The following PTGES2 variants were observed in gnomAD, a reference collection of about 807,000 sequenced individuals.
PTGES2 encodes the protein GATE-binding factor 1.
A neutral mutation model predicts 44.5 loss-of-function variants in PTGES2; 35 were observed. The ratio of observed to expected loss-of-function variants is 0.79; its 90% CI spans 0.60 to 1.04. PTGES2 has a LOEUF of 1.04. Among genes scored for constraint, PTGES2 ranks in the 50% least tolerant of loss-of-function variants. The pLI, the probability that PTGES2 is intolerant of heterozygous loss-of-function variation, is 0.00. For synonymous variants in PTGES2, 221 were observed against 227.5 expected (o/e 0.97, Z 0.26); for missense variants, 517 against 521.4 (o/e 0.99, Z 0.08).
Position 128,124,556 on chromosome 9 carries a change from AGAGAAAAGGG to A in PTGES2, c.478-16_478-7del. ...GAGGAGTCATTTAGTTGTTGCTGGA[AGAGAAAAGGG>A]TGGTTTAATCAGAGGTTGCAACCCA... On this transcript the variant is annotated splice_polypyrimidine_tract_variant and splice_region_variant and intron_variant, in intron 2 of 6. Transcript: ENST00000338961. The A allele has an allele frequency of 6.2e-7, 1 of 1,612,714 alleles. No individual in the cohort carries two copies. The highest frequency in any genetic ancestry group is 2.2e-5 in the East Asian group (1 of 44,810).
At chr9:128,124,050 TGGA>T (rs921917866) in intron 3 of PTGES2, among the ~76,000 whole-genome samples, 199 bp from the exon 4 acceptor site, 6 of 151,242 alleles carry the variant, frequency 4.0e-5, no homozygotes, top group Admixed American at 3.9e-4. Flanking sequence ...GTAGGGGGCT[TGGA>T]GGAGGACGGC....
Position 128,121,153 on chromosome 9 carries a change from C to CT in PTGES2, c.1125dup (p.Ala376SerfsTer140), listed in dbSNP as rs775628436. The CT allele has an allele frequency of 6.3e-7, 1 of 1,586,618 alleles. No individual in the cohort carries two copies. The highest frequency in any genetic ancestry group is 1.8e-5 in the Admixed American group (1 of 55,804). ...GCTCTGCGCGGGGACATTCAGTGCGCTGGGGAGGCCTCGGTGATGGCCCTC... is the reference window on the plus strand; with the variant it reads ...GCTCTGCGCGGGGACATTCAGTGCGCTTGGGGAGGCCTCGGTGATGGCCCTC... On this transcript the variant is annotated frameshift_variant, in exon 7 of 7. Transcript: ENST00000338961. LOFTEE classifies it high-confidence loss of function.
chr9:128,121,295 G>A (rs1834402293), intron 6 of PTGES2, 22 bp from the exon 7 acceptor site: 1 of 1,599,722 alleles, frequency 6.3e-7, no homozygotes, highest in Non-Finnish European at 8.5e-7. Flanking sequence ...ACAGAAACGT[G>A]TCACCATAGC....
rs770085711 is a variant in PTGES2, at chr9:128,125,271, G to A, written c.450C>T (p.Ile150=). ...IKFSSYRKVP[I]LVAQEGESSQ... is the part of the protein sequence containing the mutation. ...AGCTTTCTCCTTCCTGGGCCACCAG[G>A]ATGGGCACCTTTCTGTAGGAGGAGA... Residue 150 remains isoleucine (I), a synonymous_variant, in exon 2 of 7, where the codon ATC becomes ATT. Coordinates refer to ENST00000338961, the MANE Select transcript of PTGES2 (RefSeq NM_025072.7). The A allele has an allele frequency of 1.2e-6, 2 of 1,603,888 alleles. No homozygotes were observed. Among genetic ancestry groups the A allele is most frequent in the Non-Finnish European group, 1.7e-6 (2 of 1,175,214 alleles).
intron 5 of PTGES2, 137 bp from the exon 6 acceptor site, chr9:128,122,616 C>G: frequency 1.4e-6 from 1 of 714,524 alleles, no homozygotes; most frequent in South Asian, 1.7e-5. Flanking sequence ...TCTGCAGACG[C>G]CTCAGGGAGC....
upstream of PTGES2, chr9:128,128,002 C>G (rs6478820): frequency 0.99 from 397,482 of 403,482 alleles, 195,942 homozygotes; most frequent in East Asian, 1. Flanking sequence ...GCGAACGTCT[C>G]CTCGCCCCAC....
upstream of PTGES2, chr9:128,128,159 G>C (rs549676799): frequency 8.1e-5 from 17 of 210,968 alleles, no homozygotes; most frequent in South Asian, 4.8e-4. Context: ...GAAACGACCC[G>C]ACCCGGCACC....
chr9:128,122,295 T>G (rs1834439241), intron 6 of PTGES2, 67 bp downstream of exon 6: 5 of 1,307,486 alleles, frequency 3.8e-6, no homozygotes. Context: ...GGCTTTCCCT[T>G]GCAAACCTCC....
intron 2 of PTGES2, 104 bp downstream of exon 2, chr9:128,125,140 G>A (rs1379015779): frequency 2.8e-6 from 3 of 1,068,896 alleles, no homozygotes; most frequent in Non-Finnish European, 4.1e-6. Flanking sequence ...ACAGGCACAA[G>A]GATCACAAGT....
At chr9:128,122,845 T>C (rs887463144) in intron 5 of PTGES2, 89 bp downstream of exon 5, 3 of 1,405,084 alleles carry the variant, frequency 2.1e-6, no homozygotes, top group Admixed American at 3.5e-5. Flanking sequence ...GGCCTCCCGC[T>C]GGTCTCCTGA....
At chr9:128,122,540 G>A (rs1209267889) in intron 5 of PTGES2, 61 bp from the exon 6 acceptor site, 3 of 1,453,466 alleles carry the variant, frequency 2.1e-6, no homozygotes, top group African/African-American at 1.4e-5. Flanking sequence ...GCAGGGAAGA[G>A]GGTCTCCTCT....
Position 128,126,651 on chromosome 9 carries a change from G to A in PTGES2, c.279+788C>T, listed in dbSNP as rs577629747. On this transcript the variant is annotated intron_variant, in intron 1 of 6. Coordinates refer to ENST00000338961, the MANE Select transcript of PTGES2 (RefSeq NM_025072.7). The stretch of plus-strand genomic sequence containing the variant: ...AGGCGGGTGGCTCATTTGAGGTCAG[G>A]AGTTCGAGACCAGCTTGGCCAACAT... Among the ~76,000 whole-genome samples the A allele has an allele frequency of 3.3e-5, 5 of 152,160 alleles. No homozygotes were observed. In the South Asian group the frequency reaches 1.0e-3, roughly 32 times the overall value.
rs1240102126 is a variant in PTGES2, at chr9:128,127,714, C to A, written c.4G>T (p.Asp2Tyr). 1.2e-5 allele frequency: 15 copies of A among 1,267,018 alleles called. No homozygotes were observed. The highest frequency in any genetic ancestry group is 2.8e-5 in the South Asian group (1 of 35,902). The allele number at this position is 1,267,018 out of a possible 1,614,324, so 78.5% of individuals were successfully genotyped here. Reference sequence around the variant, plus strand: ...GCCCGCACCACCCGCGCAGCCGGGTCCATGTTCGCTCCGCCGGCGCCGCGG... The same window carrying A: ...GCCCGCACCACCCGCGCAGCCGGGTACATGTTCGCTCCGCCGGCGCCGCGG... M[D>Y]PAARVVRALW... The change falls in exon 1 of 7, where the codon GAC becomes TAC. Residue 2 changes from aspartate (D) to tyrosine (Y), a missense_variant. Asp to Tyr is a radical substitution (Grantham distance 160). Transcript: ENST00000338961.
At chr9:128,124,156 C>T (rs1456464602) in intron 3 of PTGES2, among the ~76,000 whole-genome samples, 1 of 151,946 alleles carries the variant, frequency 6.6e-6, no homozygotes, top group Non-Finnish European at 1.5e-5. Flanking sequence ...GATCTTGGCT[C>T]ACCGCAACCC....
chr9:128,123,251 T>C lies in PTGES2; in HGVS notation c.687-117A>G, dbSNP rs1056653791. On this transcript the variant is annotated intron_variant, in intron 4 of 6. Transcript: ENST00000338961. The surrounding 1 kb of genome is among the most constrained non-coding windows in gnomAD (Gnocchi z 4.4). ...AAGCTGAAGCCTGAGCAGGAAGGTC[T>C]TTTTTTTTTTTTTGAGACAAAGTCT... 27 of 15,658 alleles carry C rather than the reference T, an allele frequency of 1.7e-3. No individual in the cohort carries two copies. The highest frequency in any genetic ancestry group is 2.1e-3 in the African/African-American group (24 of 11,408). 1.0% of individuals were successfully genotyped at this position (15,658 alleles called of 1,614,324 possible). A position where few individuals can be genotyped will look rare whatever the true frequency, so the allele number is the denominator to read the frequency against.
chr9:128,122,752 G>A (rs777059433), intron 5 of PTGES2, 182 bp downstream of exon 5: 6 of 682,986 alleles, frequency 8.8e-6, no homozygotes, highest in African/African-American at 1.8e-5. Context: ...CCCAGGGGAG[G>A]TGAGCAGGAG....
Position 128,123,857 on chromosome 9 carries a change from G to A in PTGES2, c.537-6C>T. 1 of 1,612,192 alleles carries A rather than the reference G, an allele frequency of 6.2e-7. No individual in the cohort carries two copies. Reference sequence around the variant, plus strand: ...TGATCTCTTCCAGGGGCTGCCTTCGGAGAGAGCCACAATATCACCCCAACT... The same window carrying A: ...TGATCTCTTCCAGGGGCTGCCTTCGAAGAGAGCCACAATATCACCCCAACT... On this transcript the variant is annotated splice_region_variant and splice_polypyrimidine_tract_variant and intron_variant, in intron 3 of 6. Transcript: ENST00000338961. The surrounding 1 kb of genome is among the most constrained non-coding windows in gnomAD (Gnocchi z 4.4).
At chr9:128,124,423 C>T in intron 3 of PTGES2, 69 bp downstream of exon 3, 1 of 1,442,690 alleles carries the variant, frequency 6.9e-7, no homozygotes, top group South Asian at 1.2e-5. Context: ...CAGGAGGGAA[C>T]TCAGGGGAGG....
chr9:128,125,537 C>T (rs905362629), intron 1 of PTGES2, 96 bp from the exon 2 acceptor site: 77 of 1,127,228 alleles, frequency 6.8e-5, no homozygotes, highest in Admixed American at 6.2e-5. Context: ...TCTGAAATGA[C>T]GCTAGAACAT....
Sources: gnomAD v4.1 joint callset for allele counts (sites outside exome capture counted in the v4.1 genomes callset) on GRCh38, gnomAD v4.1.1 for gene constraint, Gnocchi (gnomAD v3.1) non-coding constraint, MANE v1.5 for transcripts, NCBI Gene and HGNC (gene_info 2026-07-23, HGNC 2026-07-21) for gene names.